Variants in RGS21 observed in about 807,000 individuals in gnomAD.
RGS21 encodes regulator of G protein signaling 21.
A neutral mutation model predicts 18.7 loss-of-function variants in RGS21; 19 were observed. The ratio of observed to expected loss-of-function variants is 1.01; its 90% CI spans 0.71 to 1.49. The LOEUF (loss-of-function observed/expected upper bound fraction) is 1.49, where lower values mean the gene tolerates loss of function less well. Among genes scored for constraint, RGS21 ranks in the 40% most tolerant of loss-of-function variants. The probability of loss-of-function intolerance (pLI) is 0.00; values close to 1 mark genes in which losing one functional copy is unlikely to be tolerated. For missense variants in RGS21, 194 were observed against 176.8 expected, an observed-to-expected ratio of 1.10 and a Z score of -0.55; for synonymous variants, 56 against 57.8, an observed-to-expected ratio of 0.97 and a Z score of 0.14.
At chr1:192,350,151 A>G (rs1438223741) in intron 3 of RGS21, among the ~76,000 whole-genome samples, 4 of 152,160 alleles carry the variant, frequency 2.6e-5, no homozygotes, top group African/African-American at 9.7e-5. Flanking sequence ...TATAGTGCTC[A>G]TATATTAACT....
At chr1:192,324,042 A>G (rs974957757) in intron 1 of RGS21, among the ~76,000 whole-genome samples, 1 of 152,106 alleles carries the variant, frequency 6.6e-6, no homozygotes, top group Non-Finnish European at 1.5e-5. Context: ...CACAGTTAAT[A>G]GAGAAAAGCA....
intron 4 of RGS21, among the ~76,000 whole-genome samples, chr1:192,358,172 C>A (rs1295336057): frequency 1.3e-5 from 2 of 151,992 alleles, no homozygotes; most frequent in African/African-American, 4.8e-5. Flanking sequence ...CATCTGGTTT[C>A]TATTCAGTTC....
At position 192,366,028 on chromosome 1, in the gene RGS21, G is replaced by A. The variant is rs1408992138; in HGVS notation, c.363G>A (p.Lys121=). 4 of 1,610,336 alleles carry A rather than the reference G, an allele frequency of 2.5e-6. No homozygotes were observed. Among genetic ancestry groups the A allele is most frequent in the Admixed American group, 1.7e-5 (1 of 59,884 alleles). The change falls in exon 5 of 5, where the codon AAG becomes AAA. Residue 121 remains lysine (K), a synonymous_variant. Transcript: ENST00000417209. The part of the protein sequence containing the change: ...AQKLIYCLMA[K]DSFPRFLKSE... ...AATTAATCTATTGTCTCATGGCCAA[G>A]GATTCTTTCCCTCGATTTCTGAAGT...
chr1:192,355,013 T>A (rs1490650743), intron 4 of RGS21, among the ~76,000 whole-genome samples: 1 of 151,656 alleles, frequency 6.6e-6, no homozygotes, highest in Non-Finnish European at 1.5e-5. Flanking sequence ...TGAGAGATGA[T>A]AATTTCAGCT....
intron 4 of RGS21, among the ~76,000 whole-genome samples, chr1:192,362,962 GA>G (rs1251245674): frequency 6.6e-6 from 1 of 151,474 alleles, no homozygotes; most frequent in African/African-American, 2.4e-5. Flanking sequence ...AGATCAGAAA[GA>G]AAAAAAATCC....
At chr1:192,363,520 G>A (rs1659215182) in intron 4 of RGS21, among the ~76,000 whole-genome samples, 1 of 152,084 alleles carries the variant, frequency 6.6e-6, no homozygotes, top group South Asian at 2.1e-4. Context: ...GACTATAGTA[G>A]ATGTTTAAAA....
chr1:192,323,095 A>C (rs958970066), intron 1 of RGS21, among the ~76,000 whole-genome samples: 1 of 152,158 alleles, frequency 6.6e-6, no homozygotes, highest in Non-Finnish European at 1.5e-5. Flanking sequence ...TTTTTAAAAG[A>C]GACTTCATTG....
chr1:192,332,574 G>T (rs1658674315), intron 1 of RGS21, among the ~76,000 whole-genome samples: 2 of 152,072 alleles, frequency 1.3e-5, no homozygotes, highest in African/African-American at 4.8e-5. Flanking sequence ...GACATCAAGA[G>T]CACAATTCAT....
intron 4 of RGS21, among the ~76,000 whole-genome samples, chr1:192,363,649 A>T (rs560582909): frequency 1.3e-5 from 2 of 152,114 alleles, no homozygotes; most frequent in South Asian, 4.1e-4. Flanking sequence ...GTATCTTTCT[A>T]TTGCTTCTAG....
At chr1:192,356,455 TA>T (rs1439644381) in intron 4 of RGS21, among the ~76,000 whole-genome samples, 1 of 151,782 alleles carries the variant, frequency 6.6e-6, no homozygotes, top group African/African-American at 2.4e-5. Context: ...ACAGTTGGGT[TA>T]AAAAATAAAG....
rs142298888 is a variant in RGS21 at position 192,362,571 on chromosome 1, G to A, written c.256-3350G>A. On this transcript the variant is annotated intron_variant, in intron 4 of 4. Transcript: ENST00000417209. ...ATTTACACGAACATGGAGGTGTGAT[G>A]TTTTGTCACTGACATTAAGCTGAAT... 2.6e-5 allele frequency among the ~76,000 whole-genome samples: 4 copies of A among 152,236 alleles called. No individual in the cohort carries two copies. The East Asian group carries it at 7.7e-4, about 29-fold the overall frequency.
intron 2 of RGS21, among the ~76,000 whole-genome samples, chr1:192,345,042 T>C (rs1658926907): frequency 6.6e-6 from 1 of 152,120 alleles, no homozygotes; most frequent in Non-Finnish European, 1.5e-5. Flanking sequence ...CTACACCATC[T>C]CCCACACTTT....
intron 4 of RGS21, among the ~76,000 whole-genome samples, chr1:192,353,233 T>C (rs1447242090): frequency 6.6e-6 from 1 of 152,020 alleles, no homozygotes; most frequent in Non-Finnish European, 1.5e-5. Context: ...GTTACCATAT[T>C]ACTAATAGTT....
chr1:192,352,127 T>C lies in RGS21; in HGVS notation c.169T>C (p.Phe57Leu), dbSNP rs761352541. The C allele has an allele frequency of 1.1e-5, 17 of 1,611,256 alleles. 1 individual carries two copies. The South Asian group carries it at 1.4e-4, about 14-fold the overall frequency. Residue 57 changes from phenylalanine to leucine, a missense_variant, in exon 4 of 5, where the codon TTT (phenylalanine) becomes CTT (leucine). Coordinates refer to ENST00000417209, the MANE Select transcript of RGS21 (RefSeq NM_001039152.3). Reference protein sequence around the residue: ...NVEFWLACEDFKKTKNADKIA... With the variant: ...NVEFWLACEDLKKTKNADKIA... ...TGAGTTCTGGCTTGCCTGTGAAGAC[T>C]TTAAGAAAACGAAAAATGCAGACAA...
chr1:192,322,276 C>A (rs140601240), intron 1 of RGS21, among the ~76,000 whole-genome samples: 1 of 152,012 alleles, frequency 6.6e-6, no homozygotes, highest in East Asian at 1.9e-4. Context: ...AAAATCCTAT[C>A]ATGGAAAGGA....
intron 4 of RGS21, 83 bp downstream of exon 4, chr1:192,352,296 G>A: frequency 1.0e-6 from 1 of 964,030 alleles, no homozygotes; most frequent in African/African-American, 1.7e-5. Context: ...CCATCTAAAA[G>A]ATAATCAAAT....
chr1:192,359,017 A>T (rs1461511393), intron 4 of RGS21, among the ~76,000 whole-genome samples: 1 of 152,108 alleles, frequency 6.6e-6, no homozygotes, highest in African/African-American at 2.4e-5. Flanking sequence ...AACTGACAGG[A>T]TTTAAAAGCC....
intron 1 of RGS21, among the ~76,000 whole-genome samples, chr1:192,332,206 T>G (rs968715010): frequency 1.3e-5 from 2 of 151,412 alleles, no homozygotes; most frequent in African/African-American, 2.4e-5. Flanking sequence ...ACTCAGTAAA[T>G]GAAAAAAGAA....
intron 1 of RGS21, among the ~76,000 whole-genome samples, chr1:192,328,299 C>T (rs1029997360): frequency 2.0e-5 from 3 of 152,212 alleles, no homozygotes; most frequent in Non-Finnish European, 1.5e-5. Context: ...CCTCAATTTA[C>T]AGGATAGGAG....
Sources: allele counts gnomAD v4.1 joint callset (sites outside exome capture counted in the v4.1 genomes callset), GRCh38; gene constraint gnomAD v4.1.1; transcripts MANE v1.5; gene names NCBI Gene and HGNC (gene_info 2026-07-23, HGNC 2026-07-21).